The following INTS4 variants were observed in gnomAD, a reference collection of about 807,000 sequenced individuals.
The protein encoded by INTS4 is integrator complex subunit 4, also known as MSTP093.
INTS4 carries 70 observed loss-of-function variants against 119.5 expected under a neutral mutation model. That is an observed-to-expected ratio of 0.59 (90% CI 0.48 to 0.71). The LOEUF (loss-of-function observed/expected upper bound fraction) is 0.71. Ranked by LOEUF, INTS4 falls within the 30% of genes least tolerant of loss-of-function variation. INTS4 has a pLI of 0.00. For synonymous variants in INTS4, 316 were observed against 419.6 expected, an observed-to-expected ratio of 0.75 and a Z score of 3.02; for missense variants, 867 against 1,173.2, an observed-to-expected ratio of 0.74 and a Z score of 3.81.
At chr11:77,970,473 G>T (rs1387973440) in intron 4 of INTS4, among the ~76,000 whole-genome samples, 1 of 152,046 alleles carries the variant, frequency 6.6e-6, no homozygotes, top group Non-Finnish European at 1.5e-5. Flanking sequence ...AAGCAGAACA[G>T]CTGGGTCCTA....
chr11:77,949,356 A>G (rs796819128), intron 8 of INTS4, among the ~76,000 whole-genome samples: 4 of 152,310 alleles, frequency 2.6e-5, no homozygotes, highest in African/African-American at 9.6e-5. Context: ...AACGAAGCCA[A>G]AATTGAGAAA....
In INTS4 at chr11:77,891,470, C is replaced by T; in HGVS notation, c.2449-8G>A. ...GGCTGAGGCTTTGTGGATCTGTAAGCAAGAGGAAAATCCTATGATTTTAAA... is the reference window on the plus strand; with the variant it reads ...GGCTGAGGCTTTGTGGATCTGTAAGTAAGAGGAAAATCCTATGATTTTAAA... On this transcript the variant is annotated splice_region_variant and splice_polypyrimidine_tract_variant and intron_variant, in intron 20 of 22. Transcript: ENST00000534064. 1.2e-6 allele frequency: 2 copies of T among 1,613,588 alleles called. No homozygotes were observed. The highest frequency in any genetic ancestry group is 2.2e-5 in the South Asian group (2 of 91,006).
intron 16 of INTS4, among the ~76,000 whole-genome samples, chr11:77,907,270 C>T (rs377515482): frequency 2.6e-5 from 4 of 152,240 alleles, no homozygotes; most frequent in East Asian, 1.9e-4. Flanking sequence ...GATGAGGTGT[C>T]GCTATGTTGC....
At chr11:77,897,372 T>G (rs1952569596) in intron 18 of INTS4, among the ~76,000 whole-genome samples, 1 of 151,136 alleles carries the variant, frequency 6.6e-6, no homozygotes, top group Non-Finnish European at 1.5e-5. Context: ...AAATTAAAAA[T>G]AAAAATAAAG....
chr11:77,914,213 G>A (rs1440156811), intron 15 of INTS4, among the ~76,000 whole-genome samples: 2 of 152,162 alleles, frequency 1.3e-5, no homozygotes, highest in East Asian at 3.8e-4. Context: ...CCAAACTTAG[G>A]ACAGTGATCT....
chr11:77,919,000 A>T lies in INTS4; in HGVS notation c.1765-22T>A, dbSNP rs778612336. ...GTAACTAAGCAGAGTGGGATTACAG[A>T]GTCATTAAGTTTGGTGGCTCAGCTT... is the stretch of plus-strand genomic sequence containing the variant. On this transcript the variant is annotated intron_variant, in intron 14 of 22. Coordinates refer to ENST00000534064, the MANE Select transcript of INTS4 (RefSeq NM_033547.4). 6 of 1,613,092 alleles carry T rather than the reference A, an allele frequency of 3.7e-6. No individual in the cohort carries two copies. In the African/African-American group the frequency reaches 8.0e-5, roughly 22 times the overall value.
At chr11:77,908,998 A>G (rs1228185795) in intron 15 of INTS4, among the ~76,000 whole-genome samples, 1 of 152,192 alleles carries the variant, frequency 6.6e-6, no homozygotes, top group Non-Finnish European at 1.5e-5. Flanking sequence ...ATTAGTGCAC[A>G]TTGTCTGTCT....
At chr11:77,911,319 A>G (rs1323838230) in intron 15 of INTS4, among the ~76,000 whole-genome samples, 1 of 152,212 alleles carries the variant, frequency 6.6e-6, no homozygotes, top group Non-Finnish European at 1.5e-5. Flanking sequence ...GCTAAGCCCA[A>G]CTGTGAAGTG....
chr11:77,936,699 T>C (rs1953800042), intron 10 of INTS4, among the ~76,000 whole-genome samples: 1 of 151,466 alleles, frequency 6.6e-6, no homozygotes, highest in Non-Finnish European at 1.5e-5. Context: ...CTTGCAACGC[T>C]CAAAGACAAA....
At chr11:77,903,955 G>C (rs897867563) in intron 16 of INTS4, among the ~76,000 whole-genome samples, 1 of 152,156 alleles carries the variant, frequency 6.6e-6, no homozygotes, top group Non-Finnish European at 1.5e-5. Context: ...CTTGTTCCCA[G>C]AGCTACTGGA....
chr11:77,971,179 T>C (rs1429380172), intron 4 of INTS4, among the ~76,000 whole-genome samples: 2 of 152,232 alleles, frequency 1.3e-5, no homozygotes, highest in African/African-American at 4.8e-5. Context: ...TTTATCTTTT[T>C]TCTATATCTA....
chr11:77,915,701 A>G (rs182449227), intron 15 of INTS4, among the ~76,000 whole-genome samples: 5 of 152,340 alleles, frequency 3.3e-5, no homozygotes, highest in Admixed American at 2.0e-4. Flanking sequence ...GTTGGTACTT[A>G]TGGCATATAC....
At chr11:77,885,803 G>C (rs1397543112) in intron 21 of INTS4, among the ~76,000 whole-genome samples, 2 of 152,018 alleles carry the variant, frequency 1.3e-5, no homozygotes. Context: ...CTGGGTGACA[G>C]AGTGAGATTC....
At chr11:77,883,721 A>C in intron 22 of INTS4, 111 bp downstream of exon 22, 10 of 1,112,712 alleles carry the variant, frequency 9.0e-6, no homozygotes, top group Non-Finnish European at 1.3e-5. Flanking sequence ...CAATTCTTAC[A>C]AGGCCTGATT....
chr11:77,982,014 CA>C (rs1394386216), intron 2 of INTS4, among the ~76,000 whole-genome samples: 2 of 152,094 alleles, frequency 1.3e-5, no homozygotes, highest in Non-Finnish European at 2.9e-5. Context: ...CAAGTCAGAG[CA>C]ACTTGCACCA....
intron 4 of INTS4, among the ~76,000 whole-genome samples, chr11:77,970,676 A>G (rs183809270): frequency 2.0e-5 from 3 of 151,590 alleles, no homozygotes; most frequent in Admixed American, 6.6e-5. Flanking sequence ...AAAAAATACA[A>G]AAGTTAGCCA....
In INTS4 at chr11:77,982,618, T is replaced by C. The variant is rs563205546; in HGVS notation, c.247-1042A>G. 2.4e-4 allele frequency among the ~76,000 whole-genome samples: 37 copies of C among 152,162 alleles called. No individual in the cohort carries two copies. In the East Asian group the frequency reaches 6.8e-3, roughly 28 times the overall value. On this transcript the variant is annotated intron_variant, in intron 2 of 22. Transcript: ENST00000534064. ...CTAATGGGCACCAAAATTCCTGTGG[T>C]GAGAAATTTCCTCCAAAGACAAACA...
Position 77,960,448 on chromosome 11 carries a change from G to A in INTS4, c.658-57C>T, listed in dbSNP as rs1004311398. 6 of 1,252,670 alleles carry A rather than the reference G, an allele frequency of 4.8e-6. No homozygotes were observed. In the East Asian group the frequency reaches 1.2e-4, roughly 24 times the overall value. The allele number at this position is 1,252,670 out of a possible 1,614,324, so 77.6% of individuals were successfully genotyped here. A position where few individuals can be genotyped will look rare whatever the true frequency, so the allele number is the denominator to read the frequency against. ...GGAGGAAAAGAGCAATATTTCCAAT[G>A]TCTCCCCACAATCTCACATATTTTC... On this transcript the variant is annotated intron_variant, in intron 5 of 22. Coordinates refer to ENST00000534064, the MANE Select transcript of INTS4 (RefSeq NM_033547.4).
intron 4 of INTS4, among the ~76,000 whole-genome samples, chr11:77,965,882 G>C (rs200480333): frequency 1.3e-4 from 20 of 152,256 alleles, no homozygotes; most frequent in African/African-American, 4.6e-4. Flanking sequence ...TCTATTTTTA[G>C]TTTTTTGAGA....
Sources: allele counts gnomAD v4.1 joint callset (sites outside exome capture counted in the v4.1 genomes callset), GRCh38; gene constraint gnomAD v4.1.1; transcripts MANE v1.5; gene names NCBI Gene and HGNC (gene_info 2026-07-23, HGNC 2026-07-21).